Variants in CMPK1 observed in about 807,000 individuals in gnomAD.
CMPK1 encodes the protein UMP-CMP kinase.
A neutral mutation model predicts 25.7 loss-of-function variants in CMPK1; 10 were observed. The ratio of observed to expected loss-of-function variants is 0.39; its 90% confidence interval spans 0.24 to 0.66. The LOEUF (loss-of-function observed/expected upper bound fraction) is 0.66. CMPK1 is among the 30% of genes least tolerant of loss of function. The pLI is 0.48. For synonymous variants in CMPK1, 106 were observed against 101.5 expected, an observed-to-expected ratio of 1.04 and a Z score of -0.27; for missense variants, 199 against 280.5, an observed-to-expected ratio of 0.71 and a Z score of 2.08.
intron 5 of CMPK1, 80 bp downstream of exon 5, chr1:47,375,373 A>AG: frequency 1.1e-6 from 1 of 937,274 alleles, no homozygotes; most frequent in Non-Finnish European, 1.6e-6. Flanking sequence ...CAGGAAAAAA[A>AG]GAAATACTAT....
intron 1 of CMPK1, among the ~76,000 whole-genome samples, chr1:47,349,458 C>T (rs1240304421): frequency 1.3e-5 from 2 of 152,184 alleles, no homozygotes; most frequent in African/African-American, 2.4e-5. Flanking sequence ...CTCAAAACTT[C>T]TGTGTTAGAT....
chr1:47,348,274 T>C (rs1289182286), intron 1 of CMPK1, among the ~76,000 whole-genome samples: 1 of 152,184 alleles, frequency 6.6e-6, no homozygotes, highest in Non-Finnish European at 1.5e-5. Context: ...TTTTGTTTCA[T>C]GTTGGCCTAG....
At chr1:47,357,482 C>CTTTTTTT (rs5773945) in intron 1 of CMPK1, among the ~76,000 whole-genome samples, 2 of 145,196 alleles carry the variant, frequency 1.4e-5, no homozygotes, top group Non-Finnish European at 3.0e-5. Flanking sequence ...TTAATGGATT[C>CTTTTTTT]TTTTTTTTTT....
rs936074208 is a variant in CMPK1, at chr1:47,352,146, A to G, written c.172-16323A>G. Among the ~76,000 whole-genome samples, 2 of 152,180 alleles carry G rather than the reference A, an allele frequency of 1.3e-5. 1 individual carries two copies. Among genetic ancestry groups the G allele is most frequent in the African/African-American group, 4.8e-5 (2 of 41,440 alleles). On this transcript the variant is annotated intron_variant, in intron 1 of 5. Coordinates refer to ENST00000371873, the MANE Select transcript of CMPK1 (RefSeq NM_016308.3). ...AGTGAGATTTCATCTCAAAAAAGTA[A>G]ATAAATAAAAATAAAAAGATGTCTT...
intron 1 of CMPK1, among the ~76,000 whole-genome samples, chr1:47,340,015 T>G: frequency 7.9e-6 from 1 of 126,260 alleles, no homozygotes; most frequent in Non-Finnish European, 1.6e-5. Flanking sequence ...GCTGCCCTCT[T>G]CCCTCCCCTC....
chr1:47,370,213 A>G lies in CMPK1; in HGVS notation c.318+1598A>G, dbSNP rs1305272609. On this transcript the variant is annotated intron_variant, in intron 2 of 5. Coordinates refer to ENST00000371873, the MANE Select transcript of CMPK1 (RefSeq NM_016308.3). ...ATTACAGGCGTGAGACACCATGCCC[A>G]GCCCTTTCTCTGTTTTTTAACCCAC... Among the ~76,000 whole-genome samples, 4 of 150,954 alleles carry G rather than the reference A, an allele frequency of 2.6e-5. No homozygotes were observed. The East Asian group carries it at 8.0e-4, about 30-fold the overall frequency.
rs140752570 is a variant in CMPK1 at position 47,370,294 on chromosome 1, A to G, written c.318+1679A>G. ...ATGGTGTCTACTTTTCTGGTGTATC[A>G]CCATCTTCAATGTGAAATGCTAAGA... On this transcript the variant is annotated intron_variant, in intron 2 of 5. Coordinates refer to ENST00000371873, the MANE Select transcript of CMPK1 (RefSeq NM_016308.3). 6.2e-3 allele frequency among the ~76,000 whole-genome samples: 949 copies of G among 151,902 alleles called. 10 individuals are homozygous for G. Among genetic ancestry groups the G allele is most frequent in the African/African-American group, 0.021 (869 of 41,422 alleles).
At chr1:47,341,556 A>T (rs1646441005) in intron 1 of CMPK1, among the ~76,000 whole-genome samples, 1 of 152,074 alleles carries the variant, frequency 6.6e-6, no homozygotes, top group African/African-American at 2.4e-5. Context: ...TTTAGCAGAG[A>T]CAGTGTTTCA....
chr1:47,334,006 A>G lies in CMPK1; in HGVS notation c.61A>G (p.Thr21Ala). 1 of 1,538,236 alleles carries G rather than the reference A, an allele frequency of 6.5e-7. No homozygotes were observed. The highest frequency in any genetic ancestry group is 8.8e-7 in the Non-Finnish European group (1 of 1,142,450). ...HVLGLSFLLQ[T>A]RRPILLCSPR... ...CCTGGGCCTTAGCTTCCTGCTGCAG[A>G]CCCGCCGGCCGATTCTCCTCTGCTC... Residue 21 changes from threonine to alanine, a missense_variant, in exon 1 of 6, where the codon ACC (threonine) becomes GCC (alanine). By Grantham distance (58) the Thr-to-Ala change is moderately conservative (BLOSUM62 0). Transcript: ENST00000371873.
At chr1:47,344,094 T>A (rs948323235) in intron 1 of CMPK1, among the ~76,000 whole-genome samples, 144 of 149,688 alleles carry the variant, frequency 9.6e-4, no homozygotes, top group African/African-American at 3.3e-3. Context: ...CGACAGACCC[T>A]GCTGCCAAAA....
At position 47,377,534 on chromosome 1, in the gene CMPK1, A is replaced by G. The variant is rs1454817687; in HGVS notation, c.*789A>G. ...CAAAATTCGTAGCAGTGGAACCTTG[A>G]AATGCATGTGGCTAGATTTATGCTA... On this transcript the variant is annotated 3_prime_UTR_variant, in exon 6 of 6. Coordinates refer to ENST00000371873, the MANE Select transcript of CMPK1 (RefSeq NM_016308.3). 2 of 152,374 alleles carry G rather than the reference A, an allele frequency of 1.3e-5. No homozygotes were observed. The highest frequency in any genetic ancestry group is 4.8e-5 in the African/African-American group (2 of 41,458). 9.4% of individuals were successfully genotyped at this position (152,374 alleles called of 1,614,324 possible).
intron 5 of CMPK1, among the ~76,000 whole-genome samples, chr1:47,375,565 A>G (rs1359741576): frequency 1.3e-5 from 2 of 152,200 alleles, no homozygotes; most frequent in Admixed American, 1.3e-4. Flanking sequence ...AGTAAAACCT[A>G]AAATGAGGTT....
At chr1:47,337,088 T>A (rs1385627572) in intron 1 of CMPK1, among the ~76,000 whole-genome samples, 2 of 152,058 alleles carry the variant, frequency 1.3e-5, no homozygotes, top group Non-Finnish European at 2.9e-5. Context: ...ATTGAGACCA[T>A]CCTGGCTAAC....
At chr1:47,338,522 TC>T in intron 1 of CMPK1, among the ~76,000 whole-genome samples, 1 of 66,852 alleles carries the variant, frequency 1.5e-5, no homozygotes, top group African/African-American at 4.9e-5. Flanking sequence ...CTTCCCTCCC[TC>T]CCTCCCTCTC....
intron 2 of CMPK1, among the ~76,000 whole-genome samples, chr1:47,371,314 A>G (rs1460280850): frequency 6.6e-6 from 1 of 152,220 alleles, no homozygotes. Flanking sequence ...TGCTCTATAA[A>G]GCAGAGAAAG....
At chr1:47,357,743 C>A (rs1259493893) in intron 1 of CMPK1, among the ~76,000 whole-genome samples, 1 of 152,022 alleles carries the variant, frequency 6.6e-6, no homozygotes, top group African/African-American at 2.4e-5. Flanking sequence ...CCTCAGCCTC[C>A]CAAAGTGCTG....
intron 1 of CMPK1, among the ~76,000 whole-genome samples, chr1:47,334,962 G>C (rs1220673685): frequency 6.6e-6 from 1 of 152,156 alleles, no homozygotes; most frequent in African/African-American, 2.4e-5. Flanking sequence ...CAGGTTACCA[G>C]TTCAATTCTT....
intron 1 of CMPK1, among the ~76,000 whole-genome samples, chr1:47,364,957 C>T (rs545343682): frequency 2.3e-4 from 35 of 152,070 alleles, no homozygotes; most frequent in African/African-American, 8.0e-4. Flanking sequence ...GAAACATGTT[C>T]ACTGTGTTGC....
intron 1 of CMPK1, among the ~76,000 whole-genome samples, chr1:47,361,599 AG>A (rs1423384397): frequency 2.6e-5 from 4 of 152,026 alleles, no homozygotes; most frequent in Non-Finnish European, 4.4e-5. Context: ...CAGAGTTAGG[AG>A]GGGTCTGATA....
Sources: allele counts gnomAD v4.1 joint callset (sites outside exome capture counted in the v4.1 genomes callset), GRCh38; gene constraint gnomAD v4.1.1; transcripts MANE v1.5; gene names NCBI Gene and HGNC (gene_info 2026-07-23, HGNC 2026-07-21).